Variants in NPSR1 observed in about 807,000 individuals in gnomAD.
NPSR1 encodes the protein neuropeptide S receptor.
A neutral mutation model predicts 46.9 loss-of-function variants in NPSR1; 48 were observed. The observed-to-expected ratio is 1.02, with a 90% CI of 0.81 to 1.30. NPSR1 has a LOEUF of 1.30. Among genes scored for constraint, NPSR1 ranks in the 50% most tolerant of loss-of-function variants. The pLI is 0.00. For missense variants in NPSR1, 450 were observed against 449.5 expected, an observed-to-expected ratio of 1.00 and a Z score of -0.01; for synonymous variants, 176 against 168.1, an observed-to-expected ratio of 1.05 and a Z score of -0.36.
intron 2 of NPSR1, among the ~76,000 whole-genome samples, chr7:34,687,537 G>A (rs1373832623): frequency 1.3e-5 from 2 of 152,136 alleles, no homozygotes; most frequent in Non-Finnish European, 2.9e-5. Flanking sequence ...CAAGCAGGGG[G>A]AATGCCAGAT....
intron 2 of NPSR1, among the ~76,000 whole-genome samples, chr7:34,743,957 C>A (rs1024238146): frequency 5.3e-5 from 8 of 151,948 alleles, no homozygotes; most frequent in Non-Finnish European, 1.0e-4. Context: ...ATGTGTTCAG[C>A]CGATTTGAGA....
intron 2 of NPSR1, among the ~76,000 whole-genome samples, chr7:34,767,584 GA>G (rs1325017348): frequency 6.6e-6 from 1 of 152,086 alleles, no homozygotes; most frequent in Non-Finnish European, 1.5e-5. Flanking sequence ...GTAAGAAAAG[GA>G]CAAAGAAAGT....
intron 1 of NPSR1, among the ~76,000 whole-genome samples, chr7:34,673,220 C>T (rs1278888173): frequency 6.6e-6 from 1 of 152,114 alleles, no homozygotes; most frequent in Non-Finnish European, 1.5e-5. Context: ...ATTGAAAATT[C>T]TGGTTGACGT....
chr7:34,807,282 G>A (rs567261953), intron 3 of NPSR1, among the ~76,000 whole-genome samples: 30 of 151,864 alleles, frequency 2.0e-4, no homozygotes, highest in African/African-American at 5.6e-4. Flanking sequence ...TTAGTATATC[G>A]CCAATTTTTG....
At chr7:34,683,940 T>C (rs1792789107) in intron 1 of NPSR1, among the ~76,000 whole-genome samples, 1 of 152,196 alleles carries the variant, frequency 6.6e-6, no homozygotes, top group Non-Finnish European at 1.5e-5. Flanking sequence ...CTTATAAAAT[T>C]CTGTCAAATG....
chr7:34,810,923 G>C (rs1165627648), intron 3 of NPSR1, among the ~76,000 whole-genome samples: 2 of 152,150 alleles, frequency 1.3e-5, no homozygotes, highest in African/African-American at 4.8e-5. Context: ...CAGGACATGG[G>C]ACAGGGGTAT....
intron 3 of NPSR1, among the ~76,000 whole-genome samples, chr7:34,782,244 T>A (rs1457786729): frequency 6.6e-6 from 1 of 152,138 alleles, no homozygotes; most frequent in Non-Finnish European, 1.5e-5. Context: ...TGTGAGCCCA[T>A]GCATCAGACC....
Position 34,858,962 on chromosome 7 carries a change from G to A in NPSR1, c.1025+10299G>A, listed in dbSNP as rs1207877901. Among the ~76,000 whole-genome samples the A allele has an allele frequency of 2.0e-5, 3 of 151,672 alleles. 1 individual carries two copies. Among genetic ancestry groups the A allele is most frequent in the African/African-American group, 4.9e-5 (2 of 41,004 alleles). On this transcript the variant is annotated intron_variant, in intron 8 of 8. Transcript: ENST00000359791. ...GTCCAGATTGAAATATCTTTGTGGG[G>A]AGAGGGAGGAGATGTACAGAGAGAG...
chr7:34,728,141 T>C (rs536108067), intron 2 of NPSR1, among the ~76,000 whole-genome samples: 26 of 152,072 alleles, frequency 1.7e-4, no homozygotes, highest in Non-Finnish European at 3.2e-4. Flanking sequence ...TTTAGTTACA[T>C]ATGTATACAT....
chr7:34,866,329 C>G (rs1318296175), intron 8 of NPSR1, among the ~76,000 whole-genome samples: 6 of 151,692 alleles, frequency 4.0e-5, no homozygotes, highest in African/African-American at 1.2e-4. Context: ...ACAGCAGGAC[C>G]CGTGAGTAAA....
chr7:34,832,350 T>C (rs1790160046), intron 5 of NPSR1, among the ~76,000 whole-genome samples: 1 of 152,156 alleles, frequency 6.6e-6, no homozygotes, highest in Non-Finnish European at 1.5e-5. Context: ...CCTGGCAGCA[T>C]GGTGAAACCC....
chr7:34,662,822 CACACA>C (rs1481688666), intron 1 of NPSR1, among the ~76,000 whole-genome samples: 1 of 152,078 alleles, frequency 6.6e-6, no homozygotes, highest in African/African-American at 2.4e-5. Context: ...CTGAGGATGG[CACACA>C]ATTTCCAAAC....
intron 3 of NPSR1, among the ~76,000 whole-genome samples, chr7:34,801,803 T>C (rs1435455998): frequency 6.7e-6 from 1 of 149,116 alleles, no homozygotes; most frequent in Non-Finnish European, 1.5e-5. Flanking sequence ...ATGACATGAT[T>C]GTATATCTAG....
At chr7:34,811,966 C>A (rs1031823236) in intron 4 of NPSR1, 103 bp downstream of exon 4, 2 of 691,838 alleles carry the variant, frequency 2.9e-6, no homozygotes, top group Non-Finnish European at 5.1e-6. Context: ...GATCTTCCTC[C>A]TCTTTCCTTC....
chr7:34,818,905 T>C (rs1290148087), intron 4 of NPSR1, among the ~76,000 whole-genome samples: 3 of 152,194 alleles, frequency 2.0e-5, no homozygotes, highest in Non-Finnish European at 4.4e-5. Context: ...TTACACCTTA[T>C]ACGAAAATTA....
At chr7:34,826,198 T>C (rs1288462487) in intron 4 of NPSR1, among the ~76,000 whole-genome samples, 1 of 152,198 alleles carries the variant, frequency 6.6e-6, no homozygotes, top group Non-Finnish European at 1.5e-5. Context: ...CAGATTGCTA[T>C]TATAATTCTA....
chr7:34,710,725 AT>A (rs1299884019), intron 2 of NPSR1: 4 of 344,424 alleles, frequency 1.2e-5, no homozygotes, highest in African/African-American at 2.2e-5. Context: ...ATTCTCAATT[AT>A]TCTGCCTATA....
intron 1 of NPSR1, among the ~76,000 whole-genome samples, chr7:34,661,871 T>C (rs1246150180): frequency 1.3e-5 from 2 of 152,166 alleles, no homozygotes; most frequent in Non-Finnish European, 2.9e-5. Context: ...GTTTCAAGAA[T>C]CTACCAGAAG....
chr7:34,862,215 G>A (rs913966497), intron 8 of NPSR1, among the ~76,000 whole-genome samples: 4 of 151,710 alleles, frequency 2.6e-5, no homozygotes, highest in Non-Finnish European at 5.9e-5. Flanking sequence ...AAGCAAGAGC[G>A]TAATTGCGGG....
Sources: gnomAD v4.1 joint callset for allele counts (sites outside exome capture counted in the v4.1 genomes callset) on GRCh38, gnomAD v4.1.1 for gene constraint, MANE v1.5 for transcripts, NCBI Gene and HGNC (gene_info 2026-07-23, HGNC 2026-07-21) for gene names.